The following ARMH3 variants were observed in gnomAD, a reference collection of about 807,000 sequenced individuals.
The protein encoded by ARMH3 is armadillo-like helical domain-containing protein 3.
Under a neutral mutation model 99.1 loss-of-function variants are expected in ARMH3, and 60 were observed. The ratio of observed to expected loss-of-function variants is 0.61; its 90% confidence interval spans 0.49 to 0.75. The LOEUF is 0.75. Ranked by LOEUF, ARMH3 falls within the 30% of genes least tolerant of loss-of-function variation. ARMH3 has a pLI of 0.00. For missense variants in ARMH3, 679 were observed against 843.1 expected (o/e 0.81, Z 2.41); for synonymous variants, 285 against 292.8 (o/e 0.97, Z 0.27).
chr10:101,903,149 G>A (rs943875022), intron 23 of ARMH3, among the ~76,000 whole-genome samples: 1 of 152,164 alleles, frequency 6.6e-6, no homozygotes, highest in Admixed American at 6.5e-5. Flanking sequence ...CACTGTTTTA[G>A]AAACAGAACT....
chr10:101,916,376 C>T (rs1279238388), intron 23 of ARMH3, among the ~76,000 whole-genome samples: 1 of 152,014 alleles, frequency 6.6e-6, no homozygotes, highest in Non-Finnish European at 1.5e-5. Flanking sequence ...CCCATCCCAG[C>T]TCCCACTCAA....
At chr10:101,897,891 G>T (rs2067876725) in intron 23 of ARMH3, among the ~76,000 whole-genome samples, 1 of 152,198 alleles carries the variant, frequency 6.6e-6, no homozygotes, top group South Asian at 2.1e-4. Context: ...AGATGGAACA[G>T]TAAGGATGAA....
At chr10:101,897,655 C>T (rs61873598) in intron 23 of ARMH3, among the ~76,000 whole-genome samples, 2,097 of 151,964 alleles carry the variant, frequency 0.014, 23 homozygotes, top group Middle Eastern at 0.037. Context: ...TATTCTGATA[C>T]GGGGCCTCTA....
chr10:102,049,371 G>A (rs754300209), intron 1 of ARMH3, among the ~76,000 whole-genome samples: 13 of 151,860 alleles, frequency 8.6e-5, no homozygotes, highest in South Asian at 4.2e-4. Context: ...CAGAAACCCC[G>A]TCTCTACTAA....
chr10:101,874,275 T>C (rs2067205476), intron 24 of ARMH3, among the ~76,000 whole-genome samples: 1 of 151,980 alleles, frequency 6.6e-6, no homozygotes, highest in Admixed American at 6.6e-5. Flanking sequence ...CTCAATAAAG[T>C]TAAATTTAAA....
In ARMH3 at chr10:101,846,091, C is replaced by T. The variant is rs2066462285; in HGVS notation, c.*1437G>A. ...GCTATCCAAGGGAGGAACCACAAGC[C>T]AACTCCCCATAAGTCAGGAGATTTG... On this transcript the variant is annotated 3_prime_UTR_variant, in exon 26 of 26. Coordinates refer to ENST00000370033, the MANE Select transcript of ARMH3 (RefSeq NM_024541.3). 1 of 152,222 alleles carries T rather than the reference C, an allele frequency of 6.6e-6. No individual in the cohort carries two copies. The highest frequency in any genetic ancestry group is 2.4e-5 in the African/African-American group (1 of 41,432). The allele number at this position is 152,222 out of a possible 1,614,324, so 9.4% of individuals were successfully genotyped here.
At chr10:102,019,853 A>C (rs11191184) in intron 8 of ARMH3, among the ~76,000 whole-genome samples, 3,267 of 150,996 alleles carry the variant, frequency 0.022, 50 homozygotes, top group Middle Eastern at 0.044. Context: ...GCATGAACCC[A>C]GGAGGCAGAG....
At chr10:101,993,513 A>C (rs1846906967) in intron 17 of ARMH3, 25 bp downstream of exon 17, 1 of 1,557,738 alleles carries the variant, frequency 6.4e-7, no homozygotes, top group Non-Finnish European at 8.7e-7. Flanking sequence ...TCTAAGAAAA[A>C]ACAAGAAGCA....
chr10:101,993,073 C>T (rs959708298), intron 17 of ARMH3, among the ~76,000 whole-genome samples: 1 of 151,932 alleles, frequency 6.6e-6, no homozygotes, highest in Non-Finnish European at 1.5e-5. Flanking sequence ...GAGCTGGAGA[C>T]CAGCCTGGCC....
At chr10:101,899,621 C>G (rs942587438) in intron 23 of ARMH3, among the ~76,000 whole-genome samples, 3 of 152,188 alleles carry the variant, frequency 2.0e-5, no homozygotes, top group African/African-American at 7.2e-5. Flanking sequence ...TTACAAGCCT[C>G]AAAGACTCTG....
intron 11 of ARMH3, among the ~76,000 whole-genome samples, chr10:102,010,951 G>A (rs1639259002): frequency 6.6e-6 from 1 of 152,180 alleles, no homozygotes; most frequent in Non-Finnish European, 1.5e-5. Context: ...AATTGCAGAA[G>A]TGGAGGAGGA....
intron 24 of ARMH3, among the ~76,000 whole-genome samples, chr10:101,868,788 T>C (rs905278601): frequency 6.6e-6 from 1 of 152,212 alleles, no homozygotes; most frequent in African/African-American, 2.4e-5. Flanking sequence ...GCAAAGCTTC[T>C]GGGCCAGGCA....
chr10:101,933,806 T>TACTC (rs751413587), intron 23 of ARMH3, among the ~76,000 whole-genome samples: 11 of 152,264 alleles, frequency 7.2e-5, no homozygotes, highest in Non-Finnish European at 1.6e-4. Context: ...TATGTTCATG[T>TACTC]ACTCCCTGCT....
At chr10:101,867,781 G>C (rs1220341060) in intron 24 of ARMH3, among the ~76,000 whole-genome samples, 1 of 151,936 alleles carries the variant, frequency 6.6e-6, no homozygotes, top group Non-Finnish European at 1.5e-5. Context: ...ACAGTGAGCA[G>C]TGATCACGTG....
chr10:101,879,685 A>G (rs2067362868), intron 24 of ARMH3, among the ~76,000 whole-genome samples: 2 of 152,072 alleles, frequency 1.3e-5, no homozygotes, highest in South Asian at 4.1e-4. Flanking sequence ...AACCCATATA[A>G]AAGTGTGCAG....
Position 101,992,036 on chromosome 10 carries a change from A to G in ARMH3, c.1278T>C (p.Pro426=). 1.2e-6 allele frequency: 2 copies of G among 1,614,042 alleles called. No individual in the cohort carries two copies. The highest frequency in any genetic ancestry group is 2.2e-5 in the South Asian group (2 of 91,086). ...MNFRVNLHRM[P]MRHRKKAADK... The stretch of plus-strand genomic sequence containing the variant: ...CTGCTGCCTTCTTCCTGTGTCTCAT[A>G]GGCTTCACACCAAAAAAATGAAGAA... Residue 426 remains proline (P), a splice_region_variant and synonymous_variant, in exon 18 of 26, where the codon CCT becomes CCC. Transcript: ENST00000370033.
intron 22 of ARMH3, among the ~76,000 whole-genome samples, chr10:101,948,151 T>C (rs1212047872): frequency 1.3e-5 from 2 of 152,038 alleles, no homozygotes; most frequent in Admixed American, 1.3e-4. Flanking sequence ...GATACAGAGA[T>C]TATCAGACTG....
At chr10:102,041,319 A>C (rs138728147) in intron 1 of ARMH3, among the ~76,000 whole-genome samples, 2 of 151,740 alleles carry the variant, frequency 1.3e-5, no homozygotes, top group Admixed American at 6.6e-5. Flanking sequence ...ATTATTAACA[A>C]ATTTCCTCTC....
intron 24 of ARMH3, among the ~76,000 whole-genome samples, chr10:101,879,857 G>A (rs1352245450): frequency 2.0e-5 from 3 of 152,092 alleles, no homozygotes; most frequent in Admixed American, 6.6e-5. Context: ...GCTGACCCTC[G>A]CATGTGGGCC....
Sources: gnomAD v4.1 joint callset for allele counts (sites outside exome capture counted in the v4.1 genomes callset) on GRCh38, gnomAD v4.1.1 for gene constraint, MANE v1.5 for transcripts, NCBI Gene and HGNC (gene_info 2026-07-23, HGNC 2026-07-21) for gene names.